CEP97: variants seen among roughly 807,000 people sequenced by gnomAD.
CEP97 encodes the protein centrosomal protein of 97 kDa.
CEP97 carries 43 observed loss-of-function variants against 73.1 expected under a neutral mutation model. That is an observed-to-expected ratio of 0.59 (90% CI 0.46 to 0.76). The LOEUF is 0.76. Among genes scored for constraint, CEP97 ranks in the 30% least tolerant of loss-of-function variants. The pLI is 0.00. For missense variants in CEP97, 939 were observed against 1,014.0 expected (o/e 0.93, Z 1.00); for synonymous variants, 337 against 370.0 (o/e 0.91, Z 1.02).
Position 101,731,856 on chromosome 3 carries a change from G to A in CEP97, c.464G>A (p.Gly155Glu). 2 of 1,595,182 alleles carry A rather than the reference G, an allele frequency of 1.3e-6. No individual in the cohort carries two copies. Among genetic ancestry groups the A allele is most frequent in the Non-Finnish European group, 1.7e-6 (2 of 1,164,970 alleles). The change falls in exon 5 of 11, where the codon GGA becomes GAA. Residue 155 changes from glycine (G) to glutamate (E), a missense_variant. Gly to Glu is a moderately conservative substitution (Grantham distance 98). Transcript: ENST00000341893. ...LVSLKTLLLH[G>E]NIITSLRMAP... Reference sequence around the variant, plus strand: ...ACTTTCAAGACCCTGCTTTTACATGGAAACATCATCACCTCTCTTAGAATG... The same window carrying A: ...ACTTTCAAGACCCTGCTTTTACATGAAAACATCATCACCTCTCTTAGAATG...
chr3:101,727,237 A>G (rs1445270624), intron 2 of CEP97, 146 bp from the exon 3 acceptor site: 4 of 625,410 alleles, frequency 6.4e-6, no homozygotes, highest in African/African-American at 1.9e-5. Context: ...GTCATACTGT[A>G]GAATATTTAG....
chr3:101,764,509 G>C (rs954145032), intron 10 of CEP97, among the ~76,000 whole-genome samples: 4 of 152,122 alleles, frequency 2.6e-5, no homozygotes, highest in Non-Finnish European at 2.9e-5. Flanking sequence ...TACTTGGGAA[G>C]CTGAGGCAGG....
chr3:101,765,610 T>A lies in CEP97; in HGVS notation c.*59T>A. ...TTTCTTAAAAATACTTTCAGTTGCCTTTGCTTTTTTTTGGAGGGAAATACT... is the reference window on the plus strand; with the variant it reads ...TTTCTTAAAAATACTTTCAGTTGCCATTGCTTTTTTTTGGAGGGAAATACT... On this transcript the variant is annotated 3_prime_UTR_variant, in exon 11 of 11. Transcript: ENST00000341893. 7.1e-7 allele frequency: 1 copy of A among 1,403,332 alleles called. No homozygotes were observed. 86.9% of individuals were successfully genotyped at this position (1,403,332 alleles called of 1,614,324 possible).
chr3:101,724,626 C>T lies in CEP97; in HGVS notation c.-51C>T, dbSNP rs777464678. On this transcript the variant is annotated 5_prime_UTR_variant, in exon 1 of 11. Coordinates refer to ENST00000341893, the MANE Select transcript of CEP97 (RefSeq NM_024548.4). ...GGCTCCCTCCTTCAGATTACAAGCT[C>T]CACAGAGCCGCGGGAGGACGGTTGC... 6.2e-6 allele frequency: 10 copies of T among 1,611,104 alleles called. No homozygotes were observed. The South Asian group carries it at 9.9e-5, about 16-fold the overall frequency.
intron 6 of CEP97, among the ~76,000 whole-genome samples, chr3:101,745,774 C>CT (rs939023256): frequency 3.4e-4 from 52 of 151,022 alleles, no homozygotes; most frequent in African/African-American, 1.2e-3. Context: ...TATTATTATA[C>CT]TTTAAGTTTT....
intron 6 of CEP97, among the ~76,000 whole-genome samples, chr3:101,732,905 G>T (rs1021353839): frequency 6.6e-6 from 1 of 151,610 alleles, no homozygotes; most frequent in East Asian, 1.9e-4. Flanking sequence ...CAGGAGGATT[G>T]CTTGAGCCCA....
At chr3:101,740,013 A>C (rs972377884) in intron 6 of CEP97, among the ~76,000 whole-genome samples, 3 of 152,304 alleles carry the variant, frequency 2.0e-5, no homozygotes, top group East Asian at 3.9e-4. Context: ...CCCACAGCCA[A>C]TATCATACTG....
In CEP97 at chr3:101,758,404, T is replaced by C. The variant is rs1939081392; in HGVS notation, c.1798T>C (p.Leu600=). ...CAGAATGCAAGAGCACATTGTCTGC[T>C]TAACTGATGAAATAAGGAGGTGGGT... ...LRRMQEHIVC[L]TDEIRRLRKE... The change falls in exon 9 of 11, where the codon TTA becomes CTA. Residue 600 remains leucine, a synonymous_variant. Transcript: ENST00000341893. 6.2e-7 allele frequency: 1 copy of C among 1,614,096 alleles called. No individual in the cohort carries two copies. The highest frequency in any genetic ancestry group is 8.5e-7 in the Non-Finnish European group (1 of 1,180,028).
chr3:101,731,552 G>T (rs1938112114), intron 4 of CEP97, among the ~76,000 whole-genome samples: 1 of 152,140 alleles, frequency 6.6e-6, no homozygotes, highest in Admixed American at 6.6e-5. Context: ...AAATTGCTCA[G>T]TGTCTCATAA....
At chr3:101,753,989 T>A (rs904440758) in intron 6 of CEP97, among the ~76,000 whole-genome samples, 2 of 151,774 alleles carry the variant, frequency 1.3e-5, no homozygotes, top group Admixed American at 6.6e-5. Context: ...TCACCCATCT[T>A]CTGCATCGCT....
chr3:101,746,910 C>CA (rs1205305389), intron 6 of CEP97, among the ~76,000 whole-genome samples: 3 of 147,436 alleles, frequency 2.0e-5, no homozygotes, highest in Non-Finnish European at 4.5e-5. Context: ...TTTATGCAGC[C>CA]AAAAAACACA....
intron 6 of CEP97, 150 bp from the exon 7 acceptor site, chr3:101,755,280 A>C: frequency 2.9e-6 from 2 of 693,134 alleles, no homozygotes; most frequent in Non-Finnish European, 4.7e-6. Context: ...TCAGAATGAT[A>C]GATTTTTTAA....
chr3:101,755,354 G>A lies in CEP97; in HGVS notation c.729-76G>A, dbSNP rs1359528861. 12 of 1,269,284 alleles carry A rather than the reference G, an allele frequency of 9.5e-6. No individual in the cohort carries two copies. The African/African-American group carries it at 1.3e-4, about 14-fold the overall frequency. 78.6% of individuals were successfully genotyped at this position (1,269,284 alleles called of 1,614,324 possible). On this transcript the variant is annotated intron_variant, in intron 6 of 10. Transcript: ENST00000341893. ...GGTGCTATAAAGGTAAGTTAACAAG[G>A]AAGATCATTGTTGCCTGACAATGTG...
chr3:101,765,481 C>T lies in CEP97; in HGVS notation c.2528C>T (p.Ala843Val), dbSNP rs1364238879. 6.2e-7 allele frequency: 1 copy of T among 1,614,114 alleles called. No homozygotes were observed. Among genetic ancestry groups the T allele is most frequent in the Non-Finnish European group, 8.5e-7 (1 of 1,179,992 alleles). Residue 843 changes from alanine (A) to valine (V), a missense_variant, in exon 11 of 11, where the codon GCA (alanine) becomes GTA (valine). By Grantham distance (64) the Ala-to-Val change is moderately conservative. Coordinates refer to ENST00000341893, the MANE Select transcript of CEP97 (RefSeq NM_024548.4). ...ACACAAGAGAATTCTAAATTAAATG[C>T]AGAAGTTCAGGGGCAGCAGCCAGAA... is the stretch of plus-strand genomic sequence containing the variant. ...SQTQENSKLN[A>V]EVQGQQPECD... is the part of the protein sequence containing the mutation.
chr3:101,729,931 C>T (rs942925505), intron 4 of CEP97, among the ~76,000 whole-genome samples: 1 of 151,856 alleles, frequency 6.6e-6, no homozygotes, highest in African/African-American at 2.4e-5. Context: ...CAGCGTCCCG[C>T]GTAGCTGGGA....
intron 6 of CEP97, among the ~76,000 whole-genome samples, chr3:101,753,019 G>A (rs1441699563): frequency 6.6e-6 from 1 of 152,092 alleles, no homozygotes; most frequent in East Asian, 1.9e-4. Flanking sequence ...CCCCATCTTT[G>A]TGGTTTTATC....
rs562778026 is a variant in CEP97, at chr3:101,769,474, C to T, written c.*3923C>T. On this transcript the variant is annotated 3_prime_UTR_variant, in exon 11 of 11. Coordinates refer to ENST00000341893, the MANE Select transcript of CEP97 (RefSeq NM_024548.4). ...ATTACAGGTGTGCAACCACAAGGCT[C>T]GGCTAATTTTTTTGTATTTTTAGTA... is the stretch of plus-strand genomic sequence containing the variant. 8 of 151,782 alleles carry T rather than the reference C, an allele frequency of 5.3e-5. No individual in the cohort carries two copies. The highest frequency in any genetic ancestry group is 2.0e-4 in the Admixed American group (3 of 15,232). 9.4% of individuals were successfully genotyped at this position (151,782 alleles called of 1,614,324 possible). A position where few individuals can be genotyped will look rare whatever the true frequency, so the allele number is the denominator to read the frequency against.
At chr3:101,748,059 C>A (rs1044498604) in intron 6 of CEP97, among the ~76,000 whole-genome samples, 1 of 135,858 alleles carries the variant, frequency 7.4e-6, no homozygotes, top group Non-Finnish European at 1.5e-5. Context: ...GTGAGCCCAG[C>A]AGTTTGAGGC....
chr3:101,726,588 T>A lies in CEP97; in HGVS notation c.44-6T>A, dbSNP rs755812149. Reference sequence around the variant, plus strand: ...GTGTTTTCTAACATTTCCGTTTCTTTTCAAGGATCAGTGGTCAATTGGTCA... The same window carrying A: ...GTGTTTTCTAACATTTCCGTTTCTTATCAAGGATCAGTGGTCAATTGGTCA... On this transcript the variant is annotated splice_region_variant and splice_polypyrimidine_tract_variant and intron_variant, in intron 1 of 10. Coordinates refer to ENST00000341893, the MANE Select transcript of CEP97 (RefSeq NM_024548.4). The A allele has an allele frequency of 4.5e-6, 7 of 1,566,514 alleles. No homozygotes were observed. The highest frequency in any genetic ancestry group is 1.4e-5 in the African/African-American group (1 of 72,286).
Sources: allele counts gnomAD v4.1 joint callset (sites outside exome capture counted in the v4.1 genomes callset), GRCh38; gene constraint gnomAD v4.1.1; transcripts MANE v1.5; gene names NCBI Gene and HGNC (gene_info 2026-07-23, HGNC 2026-07-21).